HMGA2: variants seen among roughly 807,000 people sequenced by gnomAD.
HMGA2 encodes high mobility group protein HMGI-C.
A neutral mutation model predicts 19.1 loss-of-function variants in HMGA2; 8 were observed. The ratio of observed to expected loss-of-function variants is 0.42; its 90% CI spans 0.25 to 0.76. The LOEUF is 0.76. HMGA2 is among the 30% of genes least tolerant of loss of function. HMGA2 has a pLI of 0.28. For synonymous variants in HMGA2, 60 were observed against 48.8 expected (o/e 1.23, Z -0.96); for missense variants, 109 against 136.3 (o/e 0.80, Z 1.00).
intron 3 of HMGA2, chr12:65,867,082 G>A: frequency 2.6e-6 from 1 of 381,032 alleles, no homozygotes; most frequent in South Asian, 2.0e-5. Context: ...ATGGCAAGAG[G>A]TACATGAGAT....
chr12:65,839,105 T>G (rs904802646), intron 3 of HMGA2, among the ~76,000 whole-genome samples: 5 of 151,282 alleles, frequency 3.3e-5, no homozygotes, highest in Admixed American at 1.3e-4. Context: ...AAGGGTTTAT[T>G]TTGAGTTTTT....
intron 3 of HMGA2, among the ~76,000 whole-genome samples, chr12:65,918,898 ATGT>A (rs1875203457): frequency 6.6e-6 from 1 of 152,180 alleles, no homozygotes; most frequent in South Asian, 2.1e-4. Context: ...GAGGTGAATG[ATGT>A]TGTAGAGCTG....
At chr12:65,840,260 C>T (rs991109873) in intron 3 of HMGA2, among the ~76,000 whole-genome samples, 2 of 152,104 alleles carry the variant, frequency 1.3e-5, no homozygotes, top group African/African-American at 2.4e-5. Context: ...TTTTATTATG[C>T]ATATGGATTC....
rs1165975940 is a variant in HMGA2 at position 65,825,055 on chromosome 12, T to A, written c.-216T>A. 9 of 469,902 alleles carry A rather than the reference T, an allele frequency of 1.9e-5. No individual in the cohort carries two copies. Among genetic ancestry groups the A allele is most frequent in the Non-Finnish European group, 3.4e-5 (9 of 265,978 alleles). 29.1% of individuals were successfully genotyped at this position (469,902 alleles called of 1,614,324 possible). A position where few individuals can be genotyped will look rare whatever the true frequency, so the allele number is the denominator to read the frequency against. On this transcript the variant is annotated 5_prime_UTR_variant, in exon 1 of 5. Transcript: ENST00000403681. The surrounding 1 kb of genome is among the most constrained non-coding windows in gnomAD (Gnocchi z 4.4). ...GCAGCGCCTCCTCCTCTCCTCCTCC[T>A]CCTCCCCTCTTCTCTTTTTGGCAGC...
intron 4 of HMGA2, among the ~76,000 whole-genome samples, chr12:65,962,086 T>C (rs1876767739): frequency 6.6e-6 from 1 of 152,238 alleles, no homozygotes; most frequent in South Asian, 2.1e-4. Flanking sequence ...TGTTTTAAGC[T>C]GGCCATTCTT....
chr12:65,921,696 A>C (rs760777629), intron 3 of HMGA2, among the ~76,000 whole-genome samples: 3 of 152,226 alleles, frequency 2.0e-5, no homozygotes, highest in Non-Finnish European at 4.4e-5. Flanking sequence ...CCTAATGTTA[A>C]TCCCCAAGAC....
chr12:65,826,087 G>C (rs1361637859), intron 1 of HMGA2: 1 of 152,314 alleles, frequency 6.6e-6, no homozygotes, highest in Non-Finnish European at 1.5e-5. Flanking sequence ...GCCCAGCTAA[G>C]GGCGCGTTGA....
At position 65,870,976 on chromosome 12, in the gene HMGA2, A is replaced by G. The variant is rs56013411; in HGVS notation, c.249+32407A>G. Among the ~76,000 whole-genome samples the G allele has an allele frequency of 7.8e-3, 1,193 of 152,220 alleles. 20 individuals are homozygous for G. The highest frequency in any genetic ancestry group is 0.025 in the African/African-American group (1,050 of 41,500). ...GTGCATACATGCTTAAGGAGATTGG[A>G]TGTTACAGGAAATGGGAAGCTATTA... On this transcript the variant is annotated intron_variant, in intron 3 of 4. Coordinates refer to ENST00000403681, the MANE Select transcript of HMGA2 (RefSeq NM_003483.6).
intron 3 of HMGA2, chr12:65,851,562 C>A: frequency 5.5e-6 from 2 of 364,258 alleles, no homozygotes; most frequent in South Asian, 2.0e-5. Context: ...TGGTGGCGGG[C>A]ACCTGTAATT....
intron 3 of HMGA2, among the ~76,000 whole-genome samples, chr12:65,929,901 G>A (rs1875644774): frequency 6.6e-6 from 1 of 152,080 alleles, no homozygotes; most frequent in Non-Finnish European, 1.5e-5. Context: ...AAGACAGATG[G>A]CTTTAATAGT....
intron 3 of HMGA2, chr12:65,859,847 C>T (rs1871955623): frequency 4.8e-6 from 1 of 207,346 alleles, no homozygotes; most frequent in Admixed American, 4.8e-5. Flanking sequence ...ATTTTGGGAG[C>T]CTGAGATGGG....
chr12:65,852,152 A>G (rs555068990), intron 3 of HMGA2, among the ~76,000 whole-genome samples: 53 of 149,680 alleles, frequency 3.5e-4, no homozygotes, highest in Non-Finnish European at 6.1e-4. Context: ...ATTTGTACAA[A>G]TAAAGCACCT....
At chr12:65,915,532 C>T in intron 3 of HMGA2, 6 of 1,160,806 alleles carry the variant, frequency 5.2e-6, no homozygotes, top group Non-Finnish European at 6.4e-6. Flanking sequence ...AAAGTATTCA[C>T]TGTCTCTGTC....
At chr12:65,877,559 A>G (rs1873111075) in intron 3 of HMGA2, among the ~76,000 whole-genome samples, 1 of 152,170 alleles carries the variant, frequency 6.6e-6, no homozygotes, top group African/African-American at 2.4e-5. Flanking sequence ...CCCGCTGTAC[A>G]GCATGCATTT....
At chr12:65,854,984 T>G (rs1871658655) in intron 3 of HMGA2, among the ~76,000 whole-genome samples, 1 of 152,170 alleles carries the variant, frequency 6.6e-6, no homozygotes, top group Non-Finnish European at 1.5e-5. Context: ...TTGCCTGAAG[T>G]AACTTACACT....
At chr12:65,852,335 A>G (rs1449028796) in intron 3 of HMGA2, among the ~76,000 whole-genome samples, 1 of 151,914 alleles carries the variant, frequency 6.6e-6, no homozygotes, top group Admixed American at 6.6e-5. Flanking sequence ...CATCTCTACT[A>G]AAGAAAAAAA....
In HMGA2 at chr12:65,825,523, G is replaced by A; in HGVS notation, c.111+142G>A. ...CCGCCGGCCGGCCGGGGGGAGCGGC[G>A]CAGACCCCACGAGTGCGCCGCGCGG... On this transcript the variant is annotated intron_variant, in intron 1 of 4. Coordinates refer to ENST00000403681, the MANE Select transcript of HMGA2 (RefSeq NM_003483.6). The surrounding 1 kb of genome is among the most constrained non-coding windows in gnomAD (Gnocchi z 4.4). 1 of 345,224 alleles carries A rather than the reference G, an allele frequency of 2.9e-6. No homozygotes were observed. Among genetic ancestry groups the A allele is most frequent in the Non-Finnish European group, 4.6e-6 (1 of 219,446 alleles). The allele number at this position is 345,224 out of a possible 1,614,324, so 21.4% of individuals were successfully genotyped here. A position where few individuals can be genotyped will look rare whatever the true frequency, so the allele number is the denominator to read the frequency against.
intron 3 of HMGA2, among the ~76,000 whole-genome samples, chr12:65,901,832 C>A (rs1013237530): frequency 3.3e-5 from 5 of 151,914 alleles, no homozygotes; most frequent in African/African-American, 9.7e-5. Flanking sequence ...ATTTTTAGAT[C>A]CTTGTTATTC....
intron 3 of HMGA2, among the ~76,000 whole-genome samples, chr12:65,879,708 A>G (rs1460125): frequency 4.6e-5 from 7 of 152,188 alleles, no homozygotes; most frequent in African/African-American, 1.7e-4. Flanking sequence ...CAAAAACAGT[A>G]AACACTTTAG....
Sources: gnomAD v4.1 joint callset for allele counts (sites outside exome capture counted in the v4.1 genomes callset) on GRCh38, gnomAD v4.1.1 for gene constraint, Gnocchi (gnomAD v3.1) non-coding constraint, MANE v1.5 for transcripts, NCBI Gene and HGNC (gene_info 2026-07-23, HGNC 2026-07-21) for gene names.